The following PIK3R6 variants were observed in gnomAD, a reference collection of about 807,000 sequenced individuals.
PIK3R6 encodes the protein phosphoinositide-3-kinase regulatory subunit 6.
In PIK3R6, 91 loss-of-function variants were observed where a neutral mutation model predicts 84.9. The ratio of observed to expected loss-of-function variants is 1.07; its 90% CI spans 0.90 to 1.28. The LOEUF (loss-of-function observed/expected upper bound fraction) is 1.28. PIK3R6 is among the 50% of genes most tolerant of loss of function. The pLI, the probability that PIK3R6 is intolerant of heterozygous loss-of-function variation, is 0.00. For synonymous variants in PIK3R6, 416 were observed against 411.4 expected, an observed-to-expected ratio of 1.01 and a Z score of -0.13; for missense variants, 996 against 985.1, an observed-to-expected ratio of 1.01 and a Z score of -0.15.
Position 8,804,143 on chromosome 17 carries a change from TTGGTCACTGTC to T in PIK3R6, c.1996-1_2005del. 3 of 1,613,782 alleles carry T rather than the reference TTGGTCACTGTC, an allele frequency of 1.9e-6. No homozygotes were observed. The highest frequency in any genetic ancestry group is 2.5e-6 in the Non-Finnish European group (3 of 1,179,672). ...CTGGATATTGTTCGTCCTGAAGGTGTTGGTCACTGTCTGCAGCACAGAGATCGCACGTGTGA... is the reference window on the plus strand; with the variant it reads ...CTGGATATTGTTCGTCCTGAAGGTGTTGCAGCACAGAGATCGCACGTGTGA... On this transcript the variant is annotated splice_acceptor_variant and coding_sequence_variant, in exon 19 of 20. Transcript: ENST00000619866. LOFTEE classifies it high-confidence loss of function.
intron 1 of PIK3R6, among the ~76,000 whole-genome samples, chr17:8,853,388 G>A (rs1475400500): frequency 6.6e-6 from 1 of 150,496 alleles, no homozygotes; most frequent in Non-Finnish European, 1.5e-5. Flanking sequence ...GGGAGGCTGA[G>A]GCAGGAGAAT....
chr17:8,831,070 C>T (rs1438974153), intron 9 of PIK3R6, among the ~76,000 whole-genome samples: 1 of 149,214 alleles, frequency 6.7e-6, no homozygotes, highest in Non-Finnish European at 1.5e-5. Context: ...GGCGTGAACC[C>T]AGGAGGCAGA....
chr17:8,822,869 G>T, intron 15 of PIK3R6, 127 bp downstream of exon 15: 1 of 987,466 alleles, frequency 1.0e-6, no homozygotes, highest in Non-Finnish European at 1.6e-6. Context: ...AGCAGAGGTA[G>T]GGAACAGAGC....
At chr17:8,806,134 G>T (rs1199878080) in intron 18 of PIK3R6, among the ~76,000 whole-genome samples, 1 of 152,200 alleles carries the variant, frequency 6.6e-6, no homozygotes, top group Non-Finnish European at 1.5e-5. Context: ...TGCATGAGCT[G>T]GGGGAGGGTG....
intron 1 of PIK3R6, among the ~76,000 whole-genome samples, chr17:8,859,049 T>C (rs925886832): frequency 6.6e-6 from 1 of 152,210 alleles, no homozygotes; most frequent in Non-Finnish European, 1.5e-5. Flanking sequence ...CACATGCAAT[T>C]GTCTTGTATG....
chr17:8,809,555 G>A (rs2872500), intron 18 of PIK3R6, among the ~76,000 whole-genome samples: 5,619 of 152,196 alleles, frequency 0.037, 365 homozygotes, highest in African/African-American at 0.13. Flanking sequence ...TTGAGTTCCA[G>A]GCATTAAAGT....
rs1362841774 is a variant in PIK3R6, at chr17:8,835,357, G to C, written c.561C>G (p.Thr187=). 1 of 1,611,662 alleles carries C rather than the reference G, an allele frequency of 6.2e-7. No homozygotes were observed. Among genetic ancestry groups the C allele is most frequent in the East Asian group, 2.2e-5 (1 of 44,828 alleles). ...EAAQAQQTPE[T]CMRHVVSHAL... ...CGTGGGAGACCACGTGGCGCATGCAGGTCTCTGGTGTCTGCTGCGCCTGGG... is the reference window on the plus strand; with the variant it reads ...CGTGGGAGACCACGTGGCGCATGCACGTCTCTGGTGTCTGCTGCGCCTGGG... The change falls in exon 8 of 20, where the codon ACC becomes ACG. Residue 187 remains threonine, a synonymous_variant. Coordinates refer to ENST00000619866, the MANE Select transcript of PIK3R6 (RefSeq NM_001010855.4).
chr17:8,862,822 G>T lies in PIK3R6; in HGVS notation c.-92+4707C>A. ...ACTCCTGGCAGCCAAAATAGGCAGC[G>T]GGAAAGTGGCTGAGGGACAAATCCC... On this transcript the variant is annotated intron_variant, in intron 1 of 19. Transcript: ENST00000619866. This position sits in a 1 kb window ranked among gnomAD's most constrained non-coding sequence, Gnocchi z 4.3. 6.6e-6 allele frequency among the ~76,000 whole-genome samples: 1 copy of T among 152,252 alleles called. No homozygotes were observed. The highest frequency in any genetic ancestry group is 1.5e-5 in the Non-Finnish European group (1 of 68,036).
At chr17:8,838,212 A>G (rs1162959262) in intron 4 of PIK3R6, 1 of 458,668 alleles carries the variant, frequency 2.2e-6, no homozygotes, top group Non-Finnish European at 3.9e-6. Context: ...AAAGTACAAC[A>G]TTGGGTAGTG....
chr17:8,827,763 GGAGA>G (rs199969342), intron 12 of PIK3R6, among the ~76,000 whole-genome samples: 1,513 of 34,718 alleles, frequency 0.044, 36 homozygotes, highest in Non-Finnish European at 0.056. Flanking sequence ...GAGAGAGAGA[GGAGA>G]GAGAGAGAGA....
In PIK3R6 at chr17:8,839,483, A is replaced by G; in HGVS notation, c.97+131T>C. The G allele has an allele frequency of 4.8e-6, 3 of 622,088 alleles. 1 individual carries two copies. Among genetic ancestry groups the G allele is most frequent in the Non-Finnish European group, 8.2e-6 (3 of 366,974 alleles). 38.5% of individuals were successfully genotyped at this position (622,088 alleles called of 1,614,324 possible). On this transcript the variant is annotated intron_variant, in intron 3 of 19. Coordinates refer to ENST00000619866, the MANE Select transcript of PIK3R6 (RefSeq NM_001010855.4). This position sits in a 1 kb window ranked among gnomAD's most constrained non-coding sequence, Gnocchi z 4.2. ...TCAGGCTCTAGGTATTTCCAGCAGG[A>G]AAGGGGTTTGGTGAGACGACCCTTG... is the stretch of plus-strand genomic sequence containing the variant.
chr17:8,864,803 C>T (rs1015435809), intron 1 of PIK3R6, among the ~76,000 whole-genome samples: 2 of 152,090 alleles, frequency 1.3e-5, no homozygotes, highest in Non-Finnish European at 2.9e-5. Context: ...TCCCAAAGTG[C>T]TGGGATTACA....
chr17:8,823,583 C>T, intron 13 of PIK3R6, 86 bp from the exon 14 acceptor site: 4 of 909,208 alleles, frequency 4.4e-6, no homozygotes, highest in Non-Finnish European at 7.0e-6. Context: ...AACTTCAAGC[C>T]CCTACATCTC....
In PIK3R6 at chr17:8,836,427, G is replaced by A. The variant is rs548247370; in HGVS notation, c.461+120C>T. On this transcript the variant is annotated intron_variant, in intron 7 of 19. Transcript: ENST00000619866. ...CTGCTGGACAAATATCATGGCTGGG[G>A]AGGTCTGCTAGGGCTCTTCTTAATC... The A allele has an allele frequency of 6.9e-6, 7 of 1,021,846 alleles. No homozygotes were observed. In the Admixed American group the frequency reaches 1.4e-4, roughly 21 times the overall value. The allele number at this position is 1,021,846 out of a possible 1,614,324, so 63.3% of individuals were successfully genotyped here. A position where few individuals can be genotyped will look rare whatever the true frequency, so the allele number is the denominator to read the frequency against.
At chr17:8,823,548 G>A (rs2151215262) in intron 13 of PIK3R6, 51 bp from the exon 14 acceptor site, 1 of 1,283,596 alleles carries the variant, frequency 7.8e-7, no homozygotes, top group East Asian at 2.4e-5. Flanking sequence ...GGCCACTGTG[G>A]GAGATGCCAT....
chr17:8,803,519 CTAGAGCTGTTATTGTAGGGCA>C lies in PIK3R6; in HGVS notation c.2109-111_2109-91del. ...AAAGGCAGAGCTGTTATTGTAGGGCCTAGAGCTGTTATTGTAGGGCATAGAGGAGGCGGCTACACAGAAGAA... is the reference window on the plus strand; with the variant it reads ...AAAGGCAGAGCTGTTATTGTAGGGCCTAGAGGAGGCGGCTACACAGAAGAA... On this transcript the variant is annotated intron_variant, in intron 19 of 19. Transcript: ENST00000619866. The surrounding 1 kb of genome is among the most constrained non-coding windows in gnomAD (Gnocchi z 5.0). 7.6e-7 allele frequency: 1 copy of C among 1,311,690 alleles called. No individual in the cohort carries two copies. Among genetic ancestry groups the C allele is most frequent in the South Asian group, 1.5e-5 (1 of 68,800 alleles). The allele number at this position is 1,311,690 out of a possible 1,614,324, so 81.3% of individuals were successfully genotyped here.
In PIK3R6 at chr17:8,835,370, T is replaced by C; in HGVS notation, c.548A>G (p.Gln183Arg). 6.2e-7 allele frequency: 1 copy of C among 1,612,074 alleles called. No homozygotes were observed. ...LLEIEAAQAQQTPETCMRHVV... is the reference protein window; with the variant it reads ...LLEIEAAQAQRTPETCMRHVV... The stretch of plus-strand genomic sequence containing the variant: ...GTGGCGCATGCAGGTCTCTGGTGTC[T>C]GCTGCGCCTGGGCCGCCTCGATCTC... Residue 183 changes from glutamine to arginine, a missense_variant, in exon 8 of 20, where the codon CAG becomes CGG. Transcript: ENST00000619866.
intron 1 of PIK3R6, among the ~76,000 whole-genome samples, chr17:8,850,658 G>T (rs1010642055): frequency 6.6e-6 from 1 of 152,132 alleles, no homozygotes; most frequent in South Asian, 2.1e-4. Context: ...TGACTAGAAC[G>T]CAGAGGAACT....
At chr17:8,808,044 A>G (rs1005027361) in intron 18 of PIK3R6, among the ~76,000 whole-genome samples, 30 of 152,136 alleles carry the variant, frequency 2.0e-4, no homozygotes. Flanking sequence ...GAGAGGACAA[A>G]GAAGGGAGAG....
Sources: gnomAD v4.1 joint callset for allele counts (sites outside exome capture counted in the v4.1 genomes callset) on GRCh38, gnomAD v4.1.1 for gene constraint, Gnocchi (gnomAD v3.1) non-coding constraint, MANE v1.5 for transcripts, NCBI Gene and HGNC (gene_info 2026-07-23, HGNC 2026-07-21) for gene names.